The following INPP4B variants were observed in gnomAD, a reference collection of about 807,000 sequenced individuals.
INPP4B encodes the protein inositol polyphosphate-4-phosphatase type II B, also known as inositol polyphosphate 4-phosphatase type II.
In INPP4B, 55 loss-of-function variants were observed where a neutral mutation model predicts 122.5. The observed-to-expected ratio is 0.45, with a 90% CI of 0.36 to 0.56. The LOEUF is 0.56. Among genes scored for constraint, INPP4B ranks in the 20% least tolerant of loss-of-function variants. The pLI, the probability that INPP4B is intolerant of heterozygous loss-of-function variation, is 0.00. For missense variants in INPP4B, 1,000 were observed against 1,097.7 expected (o/e 0.91, Z 1.26); for synonymous variants, 403 against 388.7 (o/e 1.04, Z -0.43).
In INPP4B at chr4:142,572,740, A is replaced by G. The variant is rs571309577; in HGVS notation, c.-190-110014T>C. Among the ~76,000 whole-genome samples the G allele has an allele frequency of 5.3e-4, 80 of 152,096 alleles. 1 individual carries two copies. The highest frequency in any genetic ancestry group is 1.9e-3 in the African/African-American group (77 of 41,534). ...CTTACACTCTCAGTACCCCTCTTTAATTGTACAATGTGAGAAAAACAATAA... is the reference window on the plus strand; with the variant it reads ...CTTACACTCTCAGTACCCCTCTTTAGTTGTACAATGTGAGAAAAACAATAA... On this transcript the variant is annotated intron_variant, in intron 2 of 25. Coordinates refer to ENST00000262992, the MANE Select transcript of INPP4B (RefSeq NM_001101669.3).
chr4:142,397,833 G>A (rs1029414813), intron 7 of INPP4B, among the ~76,000 whole-genome samples: 5 of 151,092 alleles, frequency 3.3e-5, no homozygotes, highest in African/African-American at 9.8e-5. Flanking sequence ...GCGAGGCTCC[G>A]TCTCAAAAAA....
chr4:142,717,786 T>C (rs1457711800), intron 2 of INPP4B, among the ~76,000 whole-genome samples: 2 of 151,554 alleles, frequency 1.3e-5, no homozygotes, highest in African/African-American at 2.4e-5. Context: ...AAATACCTAA[T>C]GTAAATAACG....
intron 17 of INPP4B, among the ~76,000 whole-genome samples, chr4:142,148,491 G>A (rs186596294): frequency 9.2e-5 from 14 of 152,308 alleles, no homozygotes; most frequent in Admixed American, 8.5e-4. Context: ...TGGGATTACA[G>A]GTGGGGAGCC....
intron 17 of INPP4B, among the ~76,000 whole-genome samples, chr4:142,157,254 T>C (rs374024915): frequency 6.6e-6 from 1 of 152,154 alleles, no homozygotes; most frequent in Non-Finnish European, 1.5e-5. Flanking sequence ...GAGAATAATG[T>C]TAGTGTTTAT....
At chr4:142,116,126 T>C (rs1388988406) in intron 21 of INPP4B, among the ~76,000 whole-genome samples, 7 of 152,156 alleles carry the variant, frequency 4.6e-5, no homozygotes, top group Admixed American at 4.6e-4. Flanking sequence ...CCTAAATATA[T>C]ATGCACCCAA....
intron 16 of INPP4B, among the ~76,000 whole-genome samples, chr4:142,163,885 T>G (rs1821373155): frequency 6.6e-6 from 1 of 151,802 alleles, no homozygotes; most frequent in African/African-American, 2.4e-5. Context: ...CTTTTCTCAT[T>G]TAGCGTGAAC....
chr4:142,045,307 A>T (rs150370957), intron 25 of INPP4B, among the ~76,000 whole-genome samples: 2,038 of 152,250 alleles, frequency 0.013, 35 homozygotes, highest in African/African-American at 0.046. Context: ...TATTAACACC[A>T]GTGACTGTCA....
rs568478196 is a variant in INPP4B at position 142,132,836 on chromosome 4, C to T, written c.1721-8076G>A. 1.2e-4 allele frequency among the ~76,000 whole-genome samples: 19 copies of T among 152,300 alleles called. No homozygotes were observed. The South Asian group carries it at 3.5e-3, about 28-fold the overall frequency. ...CCTAATTCCCTTTACAGCTCCTATA[C>T]TTTATTTCTCCATTTCCTTTCACAA... On this transcript the variant is annotated intron_variant, in intron 18 of 25. Transcript: ENST00000262992.
chr4:142,635,770 C>T (rs758933755), intron 2 of INPP4B, among the ~76,000 whole-genome samples: 5 of 151,970 alleles, frequency 3.3e-5, no homozygotes, highest in Non-Finnish European at 7.4e-5. Context: ...AGGCTTAATA[C>T]CTTGGTGATG....
chr4:142,157,332 C>G (rs911686654), intron 17 of INPP4B, among the ~76,000 whole-genome samples: 23 of 152,034 alleles, frequency 1.5e-4, no homozygotes, highest in African/African-American at 5.1e-4. Flanking sequence ...GGAATGTTTT[C>G]AGTAGAAAGC....
intron 25 of INPP4B, among the ~76,000 whole-genome samples, chr4:142,050,455 T>G (rs1292393791): frequency 6.6e-6 from 1 of 152,048 alleles, no homozygotes; most frequent in Non-Finnish European, 1.5e-5. Context: ...TAGTGGATTC[T>G]TATAATTCTA....
intron 23 of INPP4B, among the ~76,000 whole-genome samples, chr4:142,088,907 AT>A (rs1402639185): frequency 6.6e-6 from 1 of 152,188 alleles, no homozygotes; most frequent in African/African-American, 2.4e-5. Flanking sequence ...ACTGCAGGCT[AT>A]GACATAACTC....
intron 23 of INPP4B, among the ~76,000 whole-genome samples, chr4:142,106,360 C>T (rs1160531141): frequency 6.6e-6 from 1 of 152,084 alleles, no homozygotes; most frequent in African/African-American, 2.4e-5. Context: ...CTCACTGCAA[C>T]TTCTGTCTCC....
chr4:142,067,105 G>T (rs947278267), intron 25 of INPP4B, among the ~76,000 whole-genome samples: 1 of 152,148 alleles, frequency 6.6e-6, no homozygotes. Flanking sequence ...ATACAGCTGG[G>T]TGCCCCTCTG....
intron 9 of INPP4B, among the ~76,000 whole-genome samples, chr4:142,304,249 G>A (rs537137967): frequency 6.6e-6 from 1 of 152,120 alleles, no homozygotes; most frequent in African/African-American, 2.4e-5. Context: ...CTTTTTAGCT[G>A]ACCGTTTACA....
At chr4:142,263,637 A>G (rs1331641989) in intron 10 of INPP4B, among the ~76,000 whole-genome samples, 1 of 42,216 alleles carries the variant, frequency 2.4e-5, no homozygotes, top group Non-Finnish European at 5.4e-5. Flanking sequence ...ATAAATTCGT[A>G]AAATATATAT....
chr4:142,645,011 CTATAATTACTAAAAA>C (rs1751434466), intron 2 of INPP4B, among the ~76,000 whole-genome samples: 1 of 150,878 alleles, frequency 6.6e-6, no homozygotes, highest in Non-Finnish European at 1.5e-5. Context: ...AGATCTGATT[CTATAATTACTAAAAA>C]TCAAGATGTA....
chr4:142,253,271 T>C (rs1286689059), intron 11 of INPP4B, among the ~76,000 whole-genome samples: 2 of 152,226 alleles, frequency 1.3e-5, no homozygotes, highest in African/African-American at 4.8e-5. Context: ...CATACTACCG[T>C]AGACTTGGTA....
chr4:142,794,527 T>A (rs1005421088), intron 1 of INPP4B, among the ~76,000 whole-genome samples: 2 of 151,832 alleles, frequency 1.3e-5, no homozygotes, highest in South Asian at 2.1e-4. Flanking sequence ...TTTACAATTT[T>A]AAAAAAACAA....
Sources: gnomAD v4.1 joint callset for allele counts (sites outside exome capture counted in the v4.1 genomes callset) on GRCh38, gnomAD v4.1.1 for gene constraint, MANE v1.5 for transcripts, NCBI Gene and HGNC (gene_info 2026-07-23, HGNC 2026-07-21) for gene names.